ROR1: variants seen among roughly 807,000 people sequenced by gnomAD.
The protein encoded by ROR1 is inactive tyrosine-protein kinase transmembrane receptor ROR1.
In ROR1, 19 loss-of-function variants were observed where a neutral mutation model predicts 78.8. The observed-to-expected ratio is 0.24, with a 90% CI of 0.17 to 0.35. The LOEUF (loss-of-function observed/expected upper bound fraction) is 0.35, where lower values mean the gene tolerates loss of function less well. Ranked by LOEUF, ROR1 falls within the 10% of genes least tolerant of loss-of-function variation. ROR1 has a pLI of 1.00. For missense variants in ROR1, 917 were observed against 1,177.8 expected, an observed-to-expected ratio of 0.78 and a Z score of 3.24; for synonymous variants, 386 against 433.6, an observed-to-expected ratio of 0.89 and a Z score of 1.36.
chr1:63,921,104 G>C (rs1392555512), intron 1 of ROR1, among the ~76,000 whole-genome samples: 1 of 152,206 alleles, frequency 6.6e-6, no homozygotes, highest in Non-Finnish European at 1.5e-5. Flanking sequence ...CTGTGTGCCA[G>C]ACACCATGAT....
chr1:63,963,323 T>G (rs1339493587), intron 1 of ROR1, among the ~76,000 whole-genome samples: 1 of 150,582 alleles, frequency 6.6e-6, no homozygotes, highest in Non-Finnish European at 1.5e-5. Flanking sequence ...ATCCCAACAC[T>G]TTAGGAGGCC....
At chr1:63,940,208 G>T (rs1427973947) in intron 1 of ROR1, among the ~76,000 whole-genome samples, 1 of 151,946 alleles carries the variant, frequency 6.6e-6, no homozygotes, top group African/African-American at 2.4e-5. Context: ...AAGAACCAGG[G>T]GTCCTCAAGT....
intron 1 of ROR1, among the ~76,000 whole-genome samples, chr1:63,847,336 T>A (rs1645087664): frequency 6.6e-6 from 1 of 152,208 alleles, no homozygotes; most frequent in Admixed American, 6.5e-5. Context: ...CACGGTCTAC[T>A]TCTATCGTAG....
At position 63,927,130 on chromosome 1, in the gene ROR1, G is replaced by T. The variant is rs1368176746; in HGVS notation, c.92-82175G>T. Among the ~76,000 whole-genome samples the T allele has an allele frequency of 4.4e-3, 273 of 61,414 alleles. 53 individuals are homozygous for T. The highest frequency in any genetic ancestry group is 8.7e-3 in the African/African-American group (255 of 29,446). 40.3% of individuals were successfully genotyped at this position (61,414 alleles called of 152,430 possible). On this transcript the variant is annotated intron_variant, in intron 1 of 8. Transcript: ENST00000371079. ...CTTCCAGTTTTTGTCCATTCAGTAT[G>T]ATATTGGCTGTGGTTTTGTCATAGA...
At chr1:64,051,042 T>C (rs907761935) in intron 4 of ROR1, among the ~76,000 whole-genome samples, 2 of 152,140 alleles carry the variant, frequency 1.3e-5, no homozygotes, top group East Asian at 3.8e-4. Context: ...AGTGCTGGCA[T>C]AGGAACCTTT....
intron 1 of ROR1, among the ~76,000 whole-genome samples, chr1:63,999,609 A>G (rs965960182): frequency 6.6e-6 from 1 of 152,126 alleles, no homozygotes; most frequent in Non-Finnish European, 1.5e-5. Flanking sequence ...AACTGTCTCA[A>G]TTTTGTTCAC....
chr1:63,842,436 C>T (rs553006762), intron 1 of ROR1, among the ~76,000 whole-genome samples: 4 of 152,182 alleles, frequency 2.6e-5, no homozygotes, highest in Non-Finnish European at 4.4e-5. Context: ...AAGTGCATTG[C>T]GTTACAGGAG....
intron 1 of ROR1, among the ~76,000 whole-genome samples, chr1:63,873,621 G>A (rs537942333): frequency 2.0e-5 from 3 of 152,152 alleles, no homozygotes; most frequent in Admixed American, 1.3e-4. Flanking sequence ...GACTGGTGCA[G>A]GTAGAATATT....
intron 1 of ROR1, among the ~76,000 whole-genome samples, chr1:63,831,638 C>T (rs542803222): frequency 5.3e-5 from 8 of 152,324 alleles, no homozygotes; most frequent in Admixed American, 3.9e-4. Flanking sequence ...GGCCTCTGGG[C>T]CTGTGATGGG....
chr1:63,929,225 T>A (rs1645732281), intron 1 of ROR1, among the ~76,000 whole-genome samples: 1 of 152,192 alleles, frequency 6.6e-6, no homozygotes, highest in Admixed American at 6.6e-5. Context: ...ATCTATCCTG[T>A]AGAGGACTGG....
At chr1:64,137,558 T>C (rs1206152529) in intron 5 of ROR1, 62 bp downstream of exon 5, 1 of 1,518,960 alleles carries the variant, frequency 6.6e-7, no homozygotes, top group African/African-American at 1.4e-5. Context: ...GCCAAAAGTT[T>C]TATTGAGCTC....
At chr1:64,122,487 C>A (rs1648576397) in intron 4 of ROR1, among the ~76,000 whole-genome samples, 1 of 152,188 alleles carries the variant, frequency 6.6e-6, no homozygotes, top group African/African-American at 2.4e-5. Context: ...GATCCTTCAG[C>A]AGTCATGTAC....
intron 1 of ROR1, among the ~76,000 whole-genome samples, chr1:63,810,980 C>T (rs556910910): frequency 2.0e-5 from 3 of 152,258 alleles, no homozygotes; most frequent in African/African-American, 4.8e-5. Flanking sequence ...TATCTGGTCT[C>T]CCCCAGGTTC....
intron 1 of ROR1, among the ~76,000 whole-genome samples, chr1:63,927,446 A>G (rs1569924527): frequency 6.7e-6 from 1 of 149,012 alleles, no homozygotes; most frequent in Non-Finnish European, 1.5e-5. Flanking sequence ...ATCAATGTTC[A>G]TCAAGGATAT....
At chr1:63,953,311 G>A (rs570592991) in intron 1 of ROR1, among the ~76,000 whole-genome samples, 29 of 152,166 alleles carry the variant, frequency 1.9e-4, no homozygotes, top group African/African-American at 6.5e-4. Context: ...TATCTGTGTG[G>A]GATATGTTCC....
chr1:64,087,175 G>A (rs1647161784), intron 4 of ROR1, among the ~76,000 whole-genome samples: 1 of 152,110 alleles, frequency 6.6e-6, no homozygotes, highest in Admixed American at 6.5e-5. Context: ...AAATTCATGT[G>A]GCATCTTGGC....
At chr1:64,039,257 A>G (rs760313847) in intron 2 of ROR1, among the ~76,000 whole-genome samples, 107 of 152,314 alleles carry the variant, frequency 7.0e-4, no homozygotes, top group Non-Finnish European at 1.2e-3. Context: ...GGAAAACATG[A>G]AACTGGAGTG....
At chr1:64,031,910 C>CT (rs376056411) in intron 2 of ROR1, among the ~76,000 whole-genome samples, 77 of 146,632 alleles carry the variant, frequency 5.3e-4, no homozygotes, top group South Asian at 1.1e-3. Context: ...CTATGAAACT[C>CT]TTTTTTTTTT....
At chr1:63,989,168 G>T (rs285356) in intron 1 of ROR1, among the ~76,000 whole-genome samples, 101,730 of 141,928 alleles carry the variant, frequency 0.72, 37,967 homozygotes, top group East Asian at 0.94. Context: ...TTCTGTTTTT[G>T]TTTTTTTTTT....
Sources: gnomAD v4.1 joint callset for allele counts (sites outside exome capture counted in the v4.1 genomes callset) on GRCh38, gnomAD v4.1.1 for gene constraint, MANE v1.5 for transcripts, NCBI Gene and HGNC (gene_info 2026-07-23, HGNC 2026-07-21) for gene names.